REEP3: variants seen among roughly 807,000 people sequenced by gnomAD.
The protein encoded by REEP3 is receptor accessory protein 3.
Under a neutral mutation model 41.3 loss-of-function variants are expected in REEP3, and 20 were observed. The observed-to-expected ratio is 0.48, with a 90% CI of 0.34 to 0.70. The LOEUF (loss-of-function observed/expected upper bound fraction) is 0.70. Ranked by LOEUF, REEP3 falls within the 30% of genes least tolerant of loss-of-function variation. The probability of loss-of-function intolerance (pLI) is 0.01; values close to 1 mark genes in which losing one functional copy is unlikely to be tolerated. For synonymous variants in REEP3, 104 were observed against 101.8 expected, an observed-to-expected ratio of 1.02 and a Z score of -0.13; for missense variants, 271 against 308.8, an observed-to-expected ratio of 0.88 and a Z score of 0.92.
At chr10:63,583,845 C>G (rs1955978587) in intron 2 of REEP3, among the ~76,000 whole-genome samples, 1 of 152,150 alleles carries the variant, frequency 6.6e-6, no homozygotes. Flanking sequence ...AGTATGAATT[C>G]TCAGCCAGTG....
chr10:63,525,092 A>G (rs149066070), intron 1 of REEP3, among the ~76,000 whole-genome samples: 14 of 152,302 alleles, frequency 9.2e-5, no homozygotes, highest in Non-Finnish European at 1.9e-4. Context: ...TTGAGTGTGC[A>G]CTTAAAACGT....
intron 2 of REEP3, among the ~76,000 whole-genome samples, chr10:63,568,254 G>A (rs1034520821): frequency 6.6e-6 from 1 of 151,422 alleles, no homozygotes. Context: ...GTAAGTCATA[G>A]ACTAATCCTT....
chr10:63,541,342 A>G (rs1489135461), intron 1 of REEP3, among the ~76,000 whole-genome samples: 1 of 152,074 alleles, frequency 6.6e-6, no homozygotes, highest in East Asian at 1.9e-4. Flanking sequence ...TTCTAGGAGG[A>G]TAGGGGTGTG....
Position 63,610,203 on chromosome 10 carries a change from CTG to C in REEP3, c.435_436del (p.Glu146ThrfsTer9). 1 of 1,610,160 alleles carries C rather than the reference CTG, an allele frequency of 6.2e-7. No homozygotes were observed. Among genetic ancestry groups the C allele is most frequent in the Non-Finnish European group, 8.5e-7 (1 of 1,177,982 alleles). ...GTTAAATAGAGCCAAGGAGCAATAA[CTG>C]AACGTTTAAGAAGCTTCAGTATGCA... is the stretch of plus-strand genomic sequence containing the variant. On this transcript the variant is annotated frameshift_variant, in exon 6 of 8. Coordinates refer to ENST00000373758, the MANE Select transcript of REEP3 (RefSeq NM_001001330.3). LOFTEE classifies it high-confidence loss of function.
chr10:63,623,753 ATATGTGTG>A lies in REEP3; in HGVS notation c.*2886_*2893del, dbSNP rs1282323225. 2 of 110,176 alleles carry A rather than the reference ATATGTGTG, an allele frequency of 1.8e-5. No individual in the cohort carries two copies. The highest frequency in any genetic ancestry group is 6.9e-5 in the African/African-American group (2 of 28,850). 6.8% of individuals were successfully genotyped at this position (110,176 alleles called of 1,614,324 possible). ...ATCCCCCTCACATACTTCACAATAT[ATATGTGTG>A]TGTGTGTGTGTGTGTGTGTGTGTGT... On this transcript the variant is annotated 3_prime_UTR_variant, in exon 8 of 8. Coordinates refer to ENST00000373758, the MANE Select transcript of REEP3 (RefSeq NM_001001330.3).
At chr10:63,568,496 C>CG (rs1955822438) in intron 2 of REEP3, among the ~76,000 whole-genome samples, 6 of 151,634 alleles carry the variant, frequency 4.0e-5, no homozygotes, top group Non-Finnish European at 5.9e-5. Context: ...CTCGATCTCC[C>CG]AACCTCGTGA....
intron 4 of REEP3, 126 bp downstream of exon 4, chr10:63,598,270 A>G (rs947322170): frequency 1.9e-6 from 1 of 533,422 alleles, no homozygotes; most frequent in Non-Finnish European, 3.2e-6. Flanking sequence ...ACTGGAGGCC[A>G]GGAATATGAG....
At chr10:63,563,302 G>A (rs1176430884) in intron 1 of REEP3, among the ~76,000 whole-genome samples, 3 of 152,148 alleles carry the variant, frequency 2.0e-5, no homozygotes, top group Non-Finnish European at 4.4e-5. Flanking sequence ...AAATAGACAA[G>A]GAAGGACCTA....
intron 1 of REEP3, among the ~76,000 whole-genome samples, chr10:63,522,028 C>T (rs1174268295): frequency 6.6e-6 from 1 of 152,038 alleles, no homozygotes; most frequent in Non-Finnish European, 1.5e-5. Context: ...CCGCGATCCT[C>T]CCGAGGATGC....
At chr10:63,564,320 G>A (rs1005300058) in intron 1 of REEP3, among the ~76,000 whole-genome samples, 3 of 152,140 alleles carry the variant, frequency 2.0e-5, no homozygotes, top group Admixed American at 6.6e-5. Context: ...CAAATTTGCT[G>A]GTATTCAGAA....
chr10:63,556,443 C>G (rs1955680702), intron 1 of REEP3, among the ~76,000 whole-genome samples: 1 of 149,418 alleles, frequency 6.7e-6, no homozygotes, highest in East Asian at 2.0e-4. Context: ...TTTTTAAATT[C>G]ATTACAGTCT....
intron 1 of REEP3, among the ~76,000 whole-genome samples, chr10:63,540,085 T>C (rs1955515224): frequency 6.6e-6 from 1 of 152,198 alleles, no homozygotes. Context: ...ATCTGAAGCT[T>C]AACAGTAAGC....
At chr10:63,561,311 G>A (rs551810106) in intron 1 of REEP3, among the ~76,000 whole-genome samples, 4 of 152,166 alleles carry the variant, frequency 2.6e-5, no homozygotes, top group Non-Finnish European at 4.4e-5. Flanking sequence ...GCAAAATAGC[G>A]GTAATTTAGA....
At chr10:63,532,854 A>G (rs1436707059) in intron 1 of REEP3, among the ~76,000 whole-genome samples, 1 of 152,088 alleles carries the variant, frequency 6.6e-6, no homozygotes, top group Non-Finnish European at 1.5e-5. Flanking sequence ...GCAGTGAGCT[A>G]GGATCGTGCC....
intron 2 of REEP3, among the ~76,000 whole-genome samples, chr10:63,576,386 C>T (rs1955898787): frequency 6.6e-6 from 1 of 152,194 alleles, no homozygotes; most frequent in South Asian, 2.1e-4. Flanking sequence ...CACACTCCCT[C>T]AGAAACCTGT....
chr10:63,570,336 T>C (rs1955841296), intron 2 of REEP3, among the ~76,000 whole-genome samples: 2 of 152,240 alleles, frequency 1.3e-5, no homozygotes, highest in South Asian at 4.1e-4. Context: ...TTTAGTTACA[T>C]AGTGAGCATA....
intron 5 of REEP3, 55 bp downstream of exon 5, chr10:63,599,338 G>A: frequency 1.3e-6 from 1 of 754,414 alleles, no homozygotes; most frequent in Non-Finnish European, 2.0e-6. Flanking sequence ...ACAAATAAAG[G>A]TGGCTTCTTA....
In REEP3 at chr10:63,620,999, A is replaced by G. The variant is rs1956349639; in HGVS notation, c.*130A>G. 1.9e-6 allele frequency: 1 copy of G among 538,480 alleles called. No homozygotes were observed. Among genetic ancestry groups the G allele is most frequent in the East Asian group, 3.1e-5 (1 of 31,896 alleles). 33.4% of individuals were successfully genotyped at this position (538,480 alleles called of 1,614,324 possible). On this transcript the variant is annotated 3_prime_UTR_variant, in exon 8 of 8. Transcript: ENST00000373758. ...TGTGGCAGTGATGGGGTTTACTTTCATGAATTTAAATTGTTTTTATTTCTG... is the reference window on the plus strand; with the variant it reads ...TGTGGCAGTGATGGGGTTTACTTTCGTGAATTTAAATTGTTTTTATTTCTG...
At chr10:63,608,748 T>C (rs1160839615) in intron 5 of REEP3, among the ~76,000 whole-genome samples, 1 of 152,148 alleles carries the variant, frequency 6.6e-6, no homozygotes, top group East Asian at 1.9e-4. Context: ...GGAGGGGAAA[T>C]GTAGTTATAC....
Sources: gnomAD v4.1 joint callset for allele counts (sites outside exome capture counted in the v4.1 genomes callset) on GRCh38, gnomAD v4.1.1 for gene constraint, MANE v1.5 for transcripts, NCBI Gene and HGNC (gene_info 2026-07-23, HGNC 2026-07-21) for gene names.